Variants in DCN observed in about 807,000 individuals in gnomAD.
DCN encodes the protein bone proteoglycan II.
DCN carries 17 observed loss-of-function variants against 36.5 expected under a neutral mutation model. The observed-to-expected ratio is 0.47, with a 90% CI of 0.32 to 0.70. The LOEUF is 0.70. DCN is among the 30% of genes least tolerant of loss of function. The pLI is 0.04. For missense variants in DCN, 389 were observed against 430.1 expected (o/e 0.90, Z 0.84); for synonymous variants, 163 against 161.4 (o/e 1.01, Z -0.07).
intron 1 of DCN, chr12:91,180,537 A>G (rs1181174803): frequency 1.3e-5 from 2 of 152,114 alleles, no homozygotes; most frequent in African/African-American, 4.8e-5. Context: ...CTTAGTTTAT[A>G]TTTACTACTG....
At chr12:91,151,458 C>T (rs1881408881) in intron 7 of DCN, 196 bp downstream of exon 7, 4 of 614,122 alleles carry the variant, frequency 6.5e-6, no homozygotes, top group South Asian at 3.7e-5. Context: ...AAATCAAAAA[C>T]TTTATTGAAA....
In DCN at chr12:91,145,169, C is replaced by A. The variant is rs1017232630; in HGVS notation, c.*889G>T. The A allele has an allele frequency of 6.6e-6, 1 of 152,164 alleles. No individual in the cohort carries two copies. The highest frequency in any genetic ancestry group is 1.5e-5 in the Non-Finnish European group (1 of 68,012). The allele number at this position is 152,164 out of a possible 1,614,324, so 9.4% of individuals were successfully genotyped here. The stretch of plus-strand genomic sequence containing the variant: ...AGTTGTTTATAAATTCTACAGAAAA[C>A]ATTTCTAACATGGGTGGTTTAACTA... On this transcript the variant is annotated 3_prime_UTR_variant, in exon 8 of 8. Transcript: ENST00000052754.
rs1880854081 is a variant in DCN, at chr12:91,143,797, T to C, written c.*2261A>G. 6.7e-6 allele frequency: 1 copy of C among 148,680 alleles called. No individual in the cohort carries two copies. Among genetic ancestry groups the C allele is most frequent in the Admixed American group, 6.8e-5 (1 of 14,782 alleles). 9.2% of individuals were successfully genotyped at this position (148,680 alleles called of 1,614,324 possible). ...TTCAAAGGAAATAAAGATACATATA[T>C]ATGTATATATGCAAAAAGATATATA... On this transcript the variant is annotated 3_prime_UTR_variant, in exon 8 of 8. Coordinates refer to ENST00000052754, the MANE Select transcript of DCN (RefSeq NM_001920.5).
chr12:91,174,349 A>G (rs1046314311), intron 2 of DCN, among the ~76,000 whole-genome samples: 3 of 152,110 alleles, frequency 2.0e-5, no homozygotes, highest in Non-Finnish European at 4.4e-5. Context: ...GTCTCTAATA[A>G]GACTCTAAAT....
chr12:91,146,323 AT>A (rs1042753186), intron 7 of DCN, 71 bp from the exon 8 acceptor site: 48 of 474,424 alleles, frequency 1.0e-4, no homozygotes, highest in South Asian at 7.2e-4. Context: ...TAAACATTTT[AT>A]TTTTTTTATT....
rs778241723 is a variant in DCN at position 91,146,118 on chromosome 12, C to T, written c.1020G>A (p.Gln340=). ...FSNPVQYWEI[Q]PSTFRCVYVR... is the part of the protein sequence containing the mutation. Reference sequence around the variant, plus strand: ...CGTAGACACATCTGAAGGTGGATGGCTGTATCTCCCAGTACTGGACCGGGT... The same window carrying T: ...CGTAGACACATCTGAAGGTGGATGGTTGTATCTCCCAGTACTGGACCGGGT... The change falls in exon 8 of 8, where the codon CAG becomes CAA. Residue 340 remains glutamine (Q), a synonymous_variant. Coordinates refer to ENST00000052754, the MANE Select transcript of DCN (RefSeq NM_001920.5). The T allele has an allele frequency of 1.2e-5, 19 of 1,613,752 alleles. No individual in the cohort carries two copies. Among genetic ancestry groups the T allele is most frequent in the African/African-American group, 2.7e-5 (2 of 74,850 alleles).
At position 91,151,976 on chromosome 12, in the gene DCN, C is replaced by T. The variant is rs571549273; in HGVS notation, c.747-184G>A. Among the ~76,000 whole-genome samples, 9 of 152,260 alleles carry T rather than the reference C, an allele frequency of 5.9e-5. No homozygotes were observed. In the East Asian group the frequency reaches 1.5e-3, roughly 26 times the overall value. On this transcript the variant is annotated intron_variant, in intron 6 of 7. Transcript: ENST00000052754. ...CAAAGTCCATTTATTGTTAAGGTCT[C>T]GGCTCAAAGTTACTGTCTTTGAGAT...
At chr12:91,174,402 A>G (rs550710438) in intron 2 of DCN, among the ~76,000 whole-genome samples, 1 of 152,190 alleles carries the variant, frequency 6.6e-6, no homozygotes, top group East Asian at 1.9e-4. Context: ...TGAGTATAAT[A>G]TGATATAATA....
Position 91,141,005 on chromosome 12 carries a change from C to A in DCN, c.*5053G>T, listed in dbSNP as rs1203858295. 6.6e-6 allele frequency: 1 copy of A among 152,220 alleles called. No homozygotes were observed. The highest frequency in any genetic ancestry group is 2.4e-5 in the African/African-American group (1 of 41,434). The allele number at this position is 152,220 out of a possible 1,614,324, so 9.4% of individuals were successfully genotyped here. On this transcript the variant is annotated 3_prime_UTR_variant, in exon 8 of 8. Transcript: ENST00000052754. ...TTCTCAACAATTTTTCTACTATTATCCAGGTCAAAGTCTTCATCATCTCTC... is the reference window on the plus strand; with the variant it reads ...TTCTCAACAATTTTTCTACTATTATACAGGTCAAAGTCTTCATCATCTCTC...
chr12:91,149,589 C>T (rs1054055380), intron 7 of DCN, among the ~76,000 whole-genome samples: 2 of 152,102 alleles, frequency 1.3e-5, no homozygotes, highest in Non-Finnish European at 2.9e-5. Context: ...ACTGGCGATT[C>T]CAGCCAATGC....
At chr12:91,178,291 C>T (rs756283703) in intron 2 of DCN, 51 bp downstream of exon 2, 35 of 1,518,960 alleles carry the variant, frequency 2.3e-5, no homozygotes, top group Non-Finnish European at 3.1e-5. Flanking sequence ...AGTTGCCATT[C>T]CCAAGAATAA....
At chr12:91,149,936 C>T (rs1881296232) in intron 7 of DCN, among the ~76,000 whole-genome samples, 1 of 152,000 alleles carries the variant, frequency 6.6e-6, no homozygotes. Flanking sequence ...ATAAATAACC[C>T]TTGTTTGTGA....
rs1328636334 is a variant in DCN at position 91,151,799 on chromosome 12, C to T, written c.747-7G>A. ...GTTGAAACTCAATCCCAACCTGCAACAGAAAGCAGAAATGAAAGCAAACAC... is the reference window on the plus strand; with the variant it reads ...GTTGAAACTCAATCCCAACCTGCAATAGAAAGCAGAAATGAAAGCAAACAC... On this transcript the variant is annotated splice_region_variant and splice_polypyrimidine_tract_variant and intron_variant, in intron 6 of 7. Transcript: ENST00000052754. The T allele has an allele frequency of 1.9e-6, 3 of 1,613,916 alleles. No individual in the cohort carries two copies. Among genetic ancestry groups the T allele is most frequent in the Non-Finnish European group, 1.7e-6 (2 of 1,179,840 alleles).
At chr12:91,164,462 TAA>T (rs36087078) in intron 3 of DCN, 141 bp downstream of exon 3, 7,634 of 313,138 alleles carry the variant, frequency 0.024, 28 homozygotes, top group African/African-American at 0.043. Context: ...AAAAAAAAAG[TAA>T]AAAAAAAAAA....
intron 3 of DCN, among the ~76,000 whole-genome samples, chr12:91,164,011 G>T (rs1592694656): frequency 6.6e-6 from 1 of 152,134 alleles, no homozygotes; most frequent in Non-Finnish European, 1.5e-5. Context: ...AAATACCTAA[G>T]ATATATGGGG....
In DCN at chr12:91,143,920, A is replaced by C. The variant is rs1880863548; in HGVS notation, c.*2138T>G. 6.6e-6 allele frequency: 1 copy of C among 151,328 alleles called. No individual in the cohort carries two copies. Among genetic ancestry groups the C allele is most frequent in the Non-Finnish European group, 1.5e-5 (1 of 67,894 alleles). 9.4% of individuals were successfully genotyped at this position (151,328 alleles called of 1,614,324 possible). A position where few individuals can be genotyped will look rare whatever the true frequency, so the allele number is the denominator to read the frequency against. ...AATATGGGGGGAAGTTGTGTTGACA[A>C]GAGTGCTGGAGAATCAGGCCTGTTT... On this transcript the variant is annotated 3_prime_UTR_variant, in exon 8 of 8. Transcript: ENST00000052754.
chr12:91,177,889 A>G, intron 2 of DCN: 2 of 483,554 alleles, frequency 4.1e-6, no homozygotes, highest in South Asian at 2.0e-5. Flanking sequence ...TTATTTTACA[A>G]TTTAGTAATG....
intron 2 of DCN, chr12:91,173,003 G>C (rs1883070659): frequency 2.3e-6 from 1 of 433,082 alleles, no homozygotes; most frequent in Non-Finnish European, 4.0e-6. Context: ...AAGTAGGCAA[G>C]CTACAGAAGT....
chr12:91,148,804 G>C (rs1440979161), intron 7 of DCN, among the ~76,000 whole-genome samples: 2 of 150,698 alleles, frequency 1.3e-5, no homozygotes, highest in African/African-American at 4.9e-5. Flanking sequence ...TGGTGAAAAC[G>C]GCTTTGTTTT....
Sources: allele counts gnomAD v4.1 joint callset (sites outside exome capture counted in the v4.1 genomes callset), GRCh38; gene constraint gnomAD v4.1.1; transcripts MANE v1.5; gene names NCBI Gene and HGNC (gene_info 2026-07-23, HGNC 2026-07-21).